Variants in RALYL observed in about 807,000 individuals in gnomAD.
RALYL encodes the protein RNA-binding Raly-like protein.
RALYL carries 29 observed loss-of-function variants against 35.1 expected under a neutral mutation model. The ratio of observed to expected loss-of-function variants is 0.83; its 90% CI spans 0.61 to 1.13. The LOEUF is 1.13. Among genes scored for constraint, RALYL ranks in the 50% most tolerant of loss-of-function variants. The pLI, the probability that RALYL is intolerant of heterozygous loss-of-function variation, is 0.00. For synonymous variants in RALYL, 120 were observed against 127.6 expected (o/e 0.94, Z 0.40); for missense variants, 359 against 360.4 (o/e 1.00, Z 0.03).
chr8:84,509,890 T>G (rs1443703796), intron 1 of RALYL, among the ~76,000 whole-genome samples: 1 of 152,200 alleles, frequency 6.6e-6, no homozygotes, highest in East Asian at 1.9e-4. Context: ...TCCATTCTTT[T>G]GCCAATACCA....
chr8:84,679,397 T>G (rs1178068507), intron 2 of RALYL: 1 of 266,984 alleles, frequency 3.7e-6, no homozygotes, highest in East Asian at 9.2e-5. Flanking sequence ...TTGTTAACCT[T>G]GGCATGGAGC....
At chr8:84,547,799 A>G (rs2060463177) in intron 2 of RALYL, among the ~76,000 whole-genome samples, 1 of 152,162 alleles carries the variant, frequency 6.6e-6, no homozygotes, top group African/African-American at 2.4e-5. Flanking sequence ...ATAAAAGTTG[A>G]TATCATTTTT....
chr8:84,839,570 G>A (rs1391273071), intron 4 of RALYL, among the ~76,000 whole-genome samples: 1 of 152,232 alleles, frequency 6.6e-6, no homozygotes, highest in African/African-American at 2.4e-5. Flanking sequence ...AAAGGCAGCA[G>A]AATCCTCTGC....
At chr8:84,854,638 C>T (rs1459410737) in intron 5 of RALYL, among the ~76,000 whole-genome samples, 3 of 152,194 alleles carry the variant, frequency 2.0e-5, no homozygotes, top group Non-Finnish European at 4.4e-5. Flanking sequence ...AGAAATTACA[C>T]TACTTACGTA....
chr8:84,553,260 C>T lies in RALYL; in HGVS notation c.256+23683C>T, dbSNP rs538629780. On this transcript the variant is annotated intron_variant, in intron 2 of 8. Transcript: ENST00000521268. ...CACTGTAACCTCTAATACCTGGGCT[C>T]GAAGGATCTTCCTGCCTCAGCCTCC... Among the ~76,000 whole-genome samples the T allele has an allele frequency of 2.0e-4, 31 of 152,226 alleles. 2 individuals carry two copies. The South Asian group carries it at 3.9e-3, about 19-fold the overall frequency.
intron 1 of RALYL, among the ~76,000 whole-genome samples, chr8:84,389,558 C>T (rs1860110579): frequency 6.6e-6 from 1 of 150,826 alleles, no homozygotes; most frequent in Admixed American, 6.6e-5. Context: ...AGGTCCTTCA[C>T]ATCCCTTGTA....
rs192610085 is a variant in RALYL, at chr8:84,469,816, G to A, written c.-23-59483G>A. On this transcript the variant is annotated intron_variant, in intron 1 of 8. Coordinates refer to ENST00000521268, the MANE Select transcript of RALYL (RefSeq NM_173848.7). Reference sequence around the variant, plus strand: ...ACTCCGTGGGCATAGGACCCTCCGAGCCAGGTGCGGGATATAATCTCGTGG... The same window carrying A: ...ACTCCGTGGGCATAGGACCCTCCGAACCAGGTGCGGGATATAATCTCGTGG... Among the ~76,000 whole-genome samples, 101 of 152,196 alleles carry A rather than the reference G, an allele frequency of 6.6e-4. No homozygotes were observed. In the East Asian group the frequency reaches 0.012, roughly 17 times the overall value.
At chr8:84,335,731 A>C (rs1265410044) in intron 1 of RALYL, among the ~76,000 whole-genome samples, 2 of 26,638 alleles carry the variant, frequency 7.5e-5, no homozygotes, top group Admixed American at 7.6e-4. Flanking sequence ...TTTTTTTTCC[A>C]AGACCTGATT....
intron 2 of RALYL, among the ~76,000 whole-genome samples, chr8:84,541,258 C>T (rs1216879106): frequency 1.3e-5 from 2 of 151,972 alleles, no homozygotes; most frequent in Non-Finnish European, 2.9e-5. Context: ...TCTCTGAGCA[C>T]AGTCTCAGCC....
At chr8:84,723,215 C>T (rs1291929070) in intron 2 of RALYL, among the ~76,000 whole-genome samples, 1 of 151,876 alleles carries the variant, frequency 6.6e-6, no homozygotes, top group African/African-American at 2.4e-5. Context: ...TTGAGGAAGG[C>T]TTAGGCTTGG....
intron 7 of RALYL, among the ~76,000 whole-genome samples, chr8:84,881,085 A>T (rs1842105787): frequency 6.6e-6 from 1 of 151,978 alleles, no homozygotes; most frequent in African/African-American, 2.4e-5. Flanking sequence ...CATCTCAACA[A>T]TCTAGGGTAT....
intron 2 of RALYL, among the ~76,000 whole-genome samples, chr8:84,635,939 A>G (rs893143237): frequency 6.6e-6 from 1 of 151,564 alleles, no homozygotes; most frequent in Non-Finnish European, 1.5e-5. Flanking sequence ...CATAATTAAA[A>G]CCCCTTGGCT....
chr8:84,754,594 G>T (rs555712261), intron 2 of RALYL, among the ~76,000 whole-genome samples: 5 of 152,288 alleles, frequency 3.3e-5, no homozygotes, highest in East Asian at 1.9e-4. Flanking sequence ...GTTTTTCTAA[G>T]GATCCTGCCC....
At chr8:84,398,063 T>C (rs2042522512) in intron 1 of RALYL, among the ~76,000 whole-genome samples, 1 of 152,244 alleles carries the variant, frequency 6.6e-6, no homozygotes, top group Non-Finnish European at 1.5e-5. Flanking sequence ...TGTTAAATGC[T>C]CAGAATTTTA....
chr8:84,216,875 T>C (rs1350122593), intron 1 of RALYL, among the ~76,000 whole-genome samples: 2 of 152,180 alleles, frequency 1.3e-5, no homozygotes, highest in African/African-American at 4.8e-5. Context: ...CACTTTGTGC[T>C]GACATCATTT....
chr8:84,620,548 C>T (rs1453420989), intron 2 of RALYL, among the ~76,000 whole-genome samples: 6 of 152,154 alleles, frequency 3.9e-5, no homozygotes, highest in Admixed American at 1.3e-4. Context: ...AATGTCCTCC[C>T]GTAGCTCAGA....
intron 1 of RALYL, among the ~76,000 whole-genome samples, chr8:84,471,453 G>A (rs2052738778): frequency 6.6e-6 from 1 of 151,506 alleles, no homozygotes; most frequent in Non-Finnish European, 1.5e-5. Flanking sequence ...ACTTAGCTGA[G>A]TGTGGTGTTG....
intron 2 of RALYL, among the ~76,000 whole-genome samples, chr8:84,733,430 C>A (rs1846617103): frequency 6.6e-6 from 1 of 152,140 alleles, no homozygotes; most frequent in Admixed American, 6.6e-5. Context: ...ATCCCTCATC[C>A]ATCTACCTCA....
chr8:84,892,015 T>C (rs1027206154), intron 8 of RALYL, among the ~76,000 whole-genome samples: 4 of 152,134 alleles, frequency 2.6e-5, no homozygotes, highest in South Asian at 2.1e-4. Context: ...GGATCTGAAG[T>C]GAAGGAAATT....
Sources: allele counts gnomAD v4.1 joint callset (sites outside exome capture counted in the v4.1 genomes callset), GRCh38; gene constraint gnomAD v4.1.1; transcripts MANE v1.5; gene names NCBI Gene and HGNC (gene_info 2026-07-23, HGNC 2026-07-21).